Variants in DRC10 observed in about 807,000 individuals in gnomAD.
DRC10 encodes dynein regulatory complex subunit 10.
chr12:113,207,445 T>C, the DRC10 span: 1 of 1,610,050 alleles, frequency 6.2e-7, no homozygotes, highest in Non-Finnish European at 8.5e-7. Flanking sequence ...TACCTCTGCA[T>C]TCCTGTTCTT....
At chr12:113,200,489 C>A in the DRC10 span, 1 of 1,039,212 alleles carries the variant, frequency 9.6e-7, no homozygotes, top group Non-Finnish European at 1.4e-6. Flanking sequence ...CCCTGCCCAA[C>A]ACTGCTGGAC....
At chr12:113,215,860 C>G in the DRC10 span, among the ~76,000 whole-genome samples, 1 of 152,314 alleles carries the variant, frequency 6.6e-6, no homozygotes, top group East Asian at 1.9e-4. Context: ...ATCTAGAACA[C>G]CGACAACTCC....
the DRC10 span, among the ~76,000 whole-genome samples, chr12:113,203,371 C>G: frequency 6.6e-6 from 1 of 151,976 alleles, no homozygotes; most frequent in South Asian, 2.1e-4. Context: ...GCCTATAATC[C>G]TAGCTACTCA....
chr12:113,211,094 A>G, the DRC10 span, among the ~76,000 whole-genome samples: 27 of 152,264 alleles, frequency 1.8e-4, no homozygotes, highest in African/African-American at 6.0e-4. Flanking sequence ...GCCATACTGC[A>G]GTGGACAATG....
the DRC10 span, chr12:113,195,908 C>A: frequency 6.3e-7 from 1 of 1,581,444 alleles, no homozygotes; most frequent in South Asian, 1.2e-5. Flanking sequence ...AGGGGTGGGG[C>A]TGGGGTCACC....
the DRC10 span, chr12:113,197,679 C>T: frequency 1.0e-6 from 1 of 990,744 alleles, no homozygotes; most frequent in Middle Eastern, 2.0e-4. Context: ...TGAGCACTCT[C>T]TGCATCACTA....
chr12:113,219,184 C>T, the DRC10 span, among the ~76,000 whole-genome samples: 2 of 151,996 alleles, frequency 1.3e-5, no homozygotes. Context: ...TACAGGGACC[C>T]GCCAGCATGC....
the DRC10 span, among the ~76,000 whole-genome samples, chr12:113,196,818 C>G: frequency 2.0e-5 from 3 of 152,254 alleles, no homozygotes; most frequent in South Asian, 6.2e-4. Context: ...GTTACCACCC[C>G]CTGAGCACTT....
the DRC10 span, among the ~76,000 whole-genome samples, chr12:113,219,333 G>A: frequency 6.6e-6 from 1 of 152,204 alleles, no homozygotes; most frequent in African/African-American, 2.4e-5. Context: ...ACTGTGCCTG[G>A]CCTATGTTTA....
the DRC10 span, among the ~76,000 whole-genome samples, chr12:113,202,113 G>A: frequency 6.6e-6 from 1 of 152,176 alleles, no homozygotes; most frequent in African/African-American, 2.4e-5. Context: ...CACCTTACTA[G>A]TAACCTCCCT....
the DRC10 span, chr12:113,200,544 G>GC: frequency 4.2e-6 from 6 of 1,417,986 alleles, no homozygotes; most frequent in Non-Finnish European, 3.8e-6. Flanking sequence ...CCCACCAGGG[G>GC]CCCCCTCGGC....
the DRC10 span, among the ~76,000 whole-genome samples, chr12:113,210,901 G>A: frequency 6.6e-6 from 1 of 152,064 alleles, no homozygotes; most frequent in Non-Finnish European, 1.5e-5. Flanking sequence ...TTTTCATATT[G>A]TCTGTAGATG....
the DRC10 span, among the ~76,000 whole-genome samples, chr12:113,215,734 T>C: frequency 6.6e-6 from 1 of 152,204 alleles, no homozygotes; most frequent in Non-Finnish European, 1.5e-5. Context: ...AGCATCACTT[T>C]GGCAGTTTCA....
the DRC10 span, among the ~76,000 whole-genome samples, chr12:113,206,648 T>C: frequency 1.3e-5 from 2 of 151,818 alleles, no homozygotes; most frequent in Non-Finnish European, 2.9e-5. Flanking sequence ...TCAGTGTTGA[T>C]TTTGGCGACA....
At chr12:113,207,550 C>T in the DRC10 span, 1 of 1,614,068 alleles carries the variant, frequency 6.2e-7, no homozygotes, top group Non-Finnish European at 8.5e-7. Context: ...GGCCTTATCC[C>T]TCGCTTCCAT....
At chr12:113,219,230 T>A in the DRC10 span, among the ~76,000 whole-genome samples, 1 of 152,070 alleles carries the variant, frequency 6.6e-6, no homozygotes, top group Admixed American at 6.6e-5. Context: ...GAGACGGGGT[T>A]TTGCTATGTT....
At chr12:113,211,476 A>G in the DRC10 span, among the ~76,000 whole-genome samples, 1 of 152,144 alleles carries the variant, frequency 6.6e-6, no homozygotes, top group African/African-American at 2.4e-5. Context: ...AATGTATTCA[A>G]TATCAGGCCA....
At chr12:113,218,205 C>T in the DRC10 span, among the ~76,000 whole-genome samples, 1 of 150,900 alleles carries the variant, frequency 6.6e-6, no homozygotes, top group Non-Finnish European at 1.5e-5. Context: ...GGCGTGATCT[C>T]GGCTCACTGC....
the DRC10 span, among the ~76,000 whole-genome samples, chr12:113,203,504 C>T: frequency 7.4e-6 from 1 of 134,712 alleles, no homozygotes; most frequent in Non-Finnish European, 1.6e-5. Context: ...GAGACAGAGT[C>T]TCACTCTGTC....
Sources: gnomAD v4.1 joint callset for allele counts (sites outside exome capture counted in the v4.1 genomes callset) on GRCh38, gnomAD v4.1.1 for gene constraint, MANE v1.5 for transcripts, NCBI Gene and HGNC (gene_info 2026-07-23, HGNC 2026-07-21) for gene names.